RERE: variants seen among roughly 807,000 people sequenced by gnomAD.
RERE encodes the protein arginine-glutamic acid dipeptide repeats protein.
RERE carries 40 observed loss-of-function variants against 146.1 expected under a neutral mutation model. The ratio of observed to expected loss-of-function variants is 0.27; its 90% CI spans 0.21 to 0.36. The LOEUF is 0.36. Among genes scored for constraint, RERE ranks in the 10% least tolerant of loss-of-function variants. The pLI is 1.00. For missense variants in RERE, 1,933 were observed against 2,138.7 expected (o/e 0.90, Z 1.90); for synonymous variants, 1,003 against 866.0 (o/e 1.16, Z -2.78).
chr1:8,578,336 G>A (rs982920189), intron 4 of RERE, among the ~76,000 whole-genome samples: 5 of 152,094 alleles, frequency 3.3e-5, no homozygotes, highest in South Asian at 2.1e-4. Flanking sequence ...TTCTATTGCT[G>A]CACTGCACAC....
chr1:8,502,896 C>G (rs983714010), intron 8 of RERE, among the ~76,000 whole-genome samples: 13 of 150,822 alleles, frequency 8.6e-5, no homozygotes, highest in African/African-American at 3.2e-4. Flanking sequence ...GCAGCGTGCT[C>G]GTTAAGAGTC....
intron 10 of RERE, among the ~76,000 whole-genome samples, chr1:8,484,883 C>T (rs1010056870): frequency 1.1e-4 from 16 of 152,124 alleles, no homozygotes; most frequent in African/African-American, 2.9e-4. Context: ...TCCTCTACAG[C>T]GGTACAAAGC....
intron 4 of RERE, among the ~76,000 whole-genome samples, chr1:8,607,571 A>T (rs1312065115): frequency 2.0e-5 from 1 of 50,684 alleles, no homozygotes; most frequent in African/African-American, 8.8e-5. Flanking sequence ...TTTGAGACGG[A>T]GTCTCGCTCT....
intron 1 of RERE, among the ~76,000 whole-genome samples, chr1:8,763,165 AG>A (rs1370235518): frequency 3.9e-5 from 6 of 152,240 alleles, no homozygotes; most frequent in African/African-American, 1.4e-4. Flanking sequence ...TTACAACCAT[AG>A]GAACAAATCC....
intron 4 of RERE, among the ~76,000 whole-genome samples, chr1:8,563,798 T>C (rs750087020): frequency 1.3e-5 from 2 of 152,216 alleles, no homozygotes; most frequent in Non-Finnish European, 2.9e-5. Flanking sequence ...AACATGTGTA[T>C]ACTGTATGGC....
rs144499944 is a variant in RERE at position 8,443,459 on chromosome 1, G to GAAAAAAAAA, written c.1204-20661_1204-20653dup. Among the ~76,000 whole-genome samples the GAAAAAAAAA allele has an allele frequency of 5.8e-4, 65 of 112,630 alleles. 1 individual carries two copies. Among genetic ancestry groups the GAAAAAAAAA allele is most frequent in the African/African-American group, 7.3e-4 (22 of 30,310 alleles). The allele number at this position is 112,630 out of a possible 152,430, so 73.9% of individuals were successfully genotyped here. A position where few individuals can be genotyped will look rare whatever the true frequency, so the allele number is the denominator to read the frequency against. On this transcript the variant is annotated intron_variant, in intron 11 of 22. Coordinates refer to ENST00000400908, the MANE Select transcript of RERE (RefSeq NM_001042681.2). ...CAGGTGAGACTCAGTCTCAAAAAAA[G>GAAAAAAAAA]AAAAAAAAAAAAAAAAAAAAGAAAG...
At chr1:8,405,006 T>G (rs1643398721) in intron 12 of RERE, among the ~76,000 whole-genome samples, 6 of 152,196 alleles carry the variant, frequency 3.9e-5, no homozygotes, top group Admixed American at 3.9e-4. Context: ...GTCGGTTTTC[T>G]GAGTTTGCTT....
At chr1:8,789,300 AAATATAT>A (rs1185581673) in intron 1 of RERE, among the ~76,000 whole-genome samples, 12 of 99,654 alleles carry the variant, frequency 1.2e-4, no homozygotes, top group African/African-American at 5.6e-4. Context: ...AAAAAAAAAA[AAATATAT>A]ATATATATAT....
intron 12 of RERE, among the ~76,000 whole-genome samples, chr1:8,411,774 T>A (rs956545262): frequency 5.9e-5 from 9 of 152,240 alleles, no homozygotes; most frequent in Non-Finnish European, 1.2e-4. Context: ...TTAAAAGTTT[T>A]AGGGTTTTTC....
chr1:8,500,555 C>T (rs1436298507), intron 8 of RERE, among the ~76,000 whole-genome samples: 2 of 152,020 alleles, frequency 1.3e-5, no homozygotes, highest in Non-Finnish European at 2.9e-5. Flanking sequence ...GATCTCGGCT[C>T]GCTACAACCT....
chr1:8,709,976 A>G (rs1021176605), intron 1 of RERE, among the ~76,000 whole-genome samples: 6 of 152,026 alleles, frequency 3.9e-5, no homozygotes, highest in Non-Finnish European at 1.5e-5. Context: ...ACTCTCTTGG[A>G]TCTCCTACCT....
chr1:8,540,388 C>T (rs976267250), intron 7 of RERE, among the ~76,000 whole-genome samples: 1 of 152,210 alleles, frequency 6.6e-6, no homozygotes, highest in African/African-American at 2.4e-5. Flanking sequence ...TCTAGGATTA[C>T]AGGCATGAGC....
At chr1:8,450,846 C>T (rs1305246501) in intron 11 of RERE, among the ~76,000 whole-genome samples, 2 of 152,196 alleles carry the variant, frequency 1.3e-5, no homozygotes, top group African/African-American at 4.8e-5. Flanking sequence ...TTCCTCCATC[C>T]TACCTTTCGA....
chr1:8,724,431 G>C (rs1639919262), intron 1 of RERE, among the ~76,000 whole-genome samples: 1 of 152,144 alleles, frequency 6.6e-6, no homozygotes, highest in East Asian at 1.9e-4. Context: ...TCACTTGCCA[G>C]AATAAAGAAA....
intron 1 of RERE, among the ~76,000 whole-genome samples, chr1:8,788,428 G>A (rs146457234): frequency 2.0e-5 from 3 of 149,270 alleles, no homozygotes; most frequent in African/African-American, 7.4e-5. Flanking sequence ...GCAGTGGCGC[G>A]ATCTCGGCTC....
At chr1:8,578,175 C>T (rs1646319772) in intron 4 of RERE, among the ~76,000 whole-genome samples, 1 of 152,134 alleles carries the variant, frequency 6.6e-6, no homozygotes, top group African/African-American at 2.4e-5. Context: ...GCAATGAGCA[C>T]CTCTTTTTAT....
At chr1:8,446,200 C>A (rs1437918253) in intron 11 of RERE, among the ~76,000 whole-genome samples, 2 of 152,222 alleles carry the variant, frequency 1.3e-5, no homozygotes, top group African/African-American at 4.8e-5. Flanking sequence ...CCACGGTCTT[C>A]TGGCTTGTAG....
Position 8,360,257 on chromosome 1 carries a change from A to AC in RERE, c.3249dup (p.Ser1084ValfsTer19), listed in dbSNP as rs745806637. 4 of 1,563,948 alleles carry AC rather than the reference A, an allele frequency of 2.6e-6. No individual in the cohort carries two copies. Among genetic ancestry groups the AC allele is most frequent in the Non-Finnish European group, 3.5e-6 (4 of 1,157,446 alleles). ...TGGACGGTGGGGAGTGGGCAGGACG[A>AC]CCCCCCCGCTATGCTGCCTCCTGAA... On this transcript the variant is annotated frameshift_variant, in exon 18 of 23. Coordinates refer to ENST00000400908, the MANE Select transcript of RERE (RefSeq NM_001042681.2). LOFTEE classifies it high-confidence loss of function.
chr1:8,501,417 C>T (rs1570350199), intron 8 of RERE, among the ~76,000 whole-genome samples: 6 of 66,630 alleles, frequency 9.0e-5, no homozygotes, highest in African/African-American at 1.6e-4. Flanking sequence ...CCGCCCCGTC[C>T]GGGAGGTGAG....
Sources: gnomAD v4.1 joint callset for allele counts (sites outside exome capture counted in the v4.1 genomes callset) on GRCh38, gnomAD v4.1.1 for gene constraint, MANE v1.5 for transcripts, NCBI Gene and HGNC (gene_info 2026-07-23, HGNC 2026-07-21) for gene names.